The following HCN1 variants were observed in gnomAD, a reference collection of about 807,000 sequenced individuals.
The protein encoded by HCN1 is hyperpolarization activated cyclic nucleotide gated potassium channel 1, also known as potassium/sodium hyperpolarization-activated cyclic nucleotide-gated channel 1.
HCN1 carries 13 observed loss-of-function variants against 78.9 expected under a neutral mutation model. The observed-to-expected ratio is 0.16, with a 90% CI of 0.11 to 0.26. The LOEUF is 0.26. Among genes scored for constraint, HCN1 ranks in the 10% least tolerant of loss-of-function variants. The pLI is 1.00. For synonymous variants in HCN1, 552 were observed against 455.5 expected, an observed-to-expected ratio of 1.21 and a Z score of -2.70; for missense variants, 810 against 1,154.3, an observed-to-expected ratio of 0.70 and a Z score of 4.32.
At chr5:45,470,889 C>T (rs931550777) in intron 2 of HCN1, among the ~76,000 whole-genome samples, 1 of 151,900 alleles carries the variant, frequency 6.6e-6, no homozygotes, top group African/African-American at 2.4e-5. Flanking sequence ...TTCTCTAGAC[C>T]TACTGGAGAG....
chr5:45,565,798 G>T (rs1338100918), intron 2 of HCN1, among the ~76,000 whole-genome samples: 2 of 152,074 alleles, frequency 1.3e-5, no homozygotes, highest in Non-Finnish European at 2.9e-5. Flanking sequence ...ATGAGACCCT[G>T]TCTCAAAACA....
In HCN1 at chr5:45,524,076, C is replaced by T. The variant is rs367628216; in HGVS notation, c.850-62069G>A. Among the ~76,000 whole-genome samples, 4 of 152,112 alleles carry T rather than the reference C, an allele frequency of 2.6e-5. No homozygotes were observed. In the South Asian group the frequency reaches 6.2e-4, roughly 24 times the overall value. On this transcript the variant is annotated intron_variant, in intron 2 of 7. Transcript: ENST00000303230. The stretch of plus-strand genomic sequence containing the variant: ...AGGGATCCAGTTTCAGCTTTCTATA[C>T]ATGGCTAGCCAGTTTTCCCAGCACC...
intron 2 of HCN1, among the ~76,000 whole-genome samples, chr5:45,520,625 T>G (rs1311492150): frequency 1.3e-5 from 2 of 152,072 alleles, no homozygotes; most frequent in Non-Finnish European, 2.9e-5. Context: ...CTATGATGCT[T>G]ATTTTATTAA....
intron 2 of HCN1, among the ~76,000 whole-genome samples, chr5:45,555,072 G>C (rs1182338837): frequency 6.6e-6 from 1 of 151,656 alleles, no homozygotes; most frequent in Non-Finnish European, 1.5e-5. Context: ...AAATAAATAA[G>C]GGGCATCCAG....
At chr5:45,661,115 C>T (rs1480640196) in intron 1 of HCN1, among the ~76,000 whole-genome samples, 3 of 148,732 alleles carry the variant, frequency 2.0e-5, no homozygotes, top group East Asian at 2.0e-4. Flanking sequence ...TCTCAGACCA[C>T]GGTGCAATCA....
At chr5:45,516,181 C>A (rs750913034) in intron 2 of HCN1, among the ~76,000 whole-genome samples, 1 of 151,932 alleles carries the variant, frequency 6.6e-6, no homozygotes, top group Non-Finnish European at 1.5e-5. Context: ...ATGGAGTTGA[C>A]TTATCCTCCA....
intron 1 of HCN1, among the ~76,000 whole-genome samples, chr5:45,692,226 A>G (rs1317700525): frequency 6.6e-6 from 1 of 152,236 alleles, no homozygotes; most frequent in Non-Finnish European, 1.5e-5. Flanking sequence ...TGATTATATC[A>G]TAACTATCAA....
rs867014471 is a variant in HCN1 at position 45,602,780 on chromosome 5, G to A, written c.849+42405C>T. ...TCTCCAAGTGTTTGTTAAAACTCCA[G>A]CGAATACACATGTACACAGTTTTGA... On this transcript the variant is annotated intron_variant, in intron 2 of 7. Transcript: ENST00000303230. Among the ~76,000 whole-genome samples, 13 of 152,158 alleles carry A rather than the reference G, an allele frequency of 8.5e-5. 1 individual carries two copies. The Middle Eastern group carries it at 0.027, about 318-fold the overall frequency.
intron 2 of HCN1, among the ~76,000 whole-genome samples, chr5:45,572,905 T>G (rs142841401): frequency 1.1e-4 from 16 of 152,266 alleles, no homozygotes; most frequent in African/African-American, 3.8e-4. Context: ...AAAAGATGCA[T>G]AAAATGTAGA....
At chr5:45,675,217 A>G (rs1746244055) in intron 1 of HCN1, among the ~76,000 whole-genome samples, 1 of 151,654 alleles carries the variant, frequency 6.6e-6, no homozygotes. Flanking sequence ...CTTGGCCCCC[A>G]ATTCAGATGT....
chr5:45,563,185 C>T (rs1177784315), intron 2 of HCN1, among the ~76,000 whole-genome samples: 1 of 152,036 alleles, frequency 6.6e-6, no homozygotes, highest in Non-Finnish European at 1.5e-5. Context: ...TGCGGTGGCT[C>T]ACGCCTGTAA....
intron 2 of HCN1, among the ~76,000 whole-genome samples, chr5:45,499,384 G>A (rs1742139496): frequency 6.6e-6 from 1 of 152,138 alleles, no homozygotes; most frequent in African/African-American, 2.4e-5. Flanking sequence ...TCTTTGACTA[G>A]GAAAGGGAAC....
In HCN1 at chr5:45,599,231, A is replaced by T. The variant is rs1360794800; in HGVS notation, c.849+45954T>A. Among the ~76,000 whole-genome samples the T allele has an allele frequency of 2.0e-5, 3 of 152,208 alleles. No homozygotes were observed. The East Asian group carries it at 5.8e-4, about 29-fold the overall frequency. On this transcript the variant is annotated intron_variant, in intron 2 of 7. Coordinates refer to ENST00000303230, the MANE Select transcript of HCN1 (RefSeq NM_021072.4). Reference sequence around the variant, plus strand: ...ACACCATGGAATACTATGCAGCCATAAAAAAGGATGAGTTGATGTCCTTTG... The same window carrying T: ...ACACCATGGAATACTATGCAGCCATTAAAAAGGATGAGTTGATGTCCTTTG...
intron 2 of HCN1, among the ~76,000 whole-genome samples, chr5:45,619,966 TA>T (rs1327489612): frequency 1.3e-5 from 2 of 152,220 alleles, no homozygotes; most frequent in East Asian, 3.9e-4. Context: ...AACATCACCT[TA>T]ATCAAGTGAT....
chr5:45,682,293 A>G (rs996962781), intron 1 of HCN1, among the ~76,000 whole-genome samples: 73 of 147,498 alleles, frequency 4.9e-4, no homozygotes, highest in African/African-American at 1.7e-3. Context: ...ATATATACAC[A>G]TATATATATC....
chr5:45,611,659 T>C (rs887512723), intron 2 of HCN1, among the ~76,000 whole-genome samples: 39 of 152,182 alleles, frequency 2.6e-4, no homozygotes, highest in African/African-American at 9.4e-4. Flanking sequence ...AGTCTTATAA[T>C]GCATATATTG....
intron 2 of HCN1, among the ~76,000 whole-genome samples, chr5:45,504,156 T>A (rs1270741007): frequency 6.6e-6 from 1 of 152,096 alleles, no homozygotes; most frequent in Non-Finnish European, 1.5e-5. Context: ...AATGTGCAGG[T>A]TTGTTACATA....
At chr5:45,462,799 T>C (rs759267762) in intron 2 of HCN1, among the ~76,000 whole-genome samples, 15 of 152,028 alleles carry the variant, frequency 9.9e-5, no homozygotes, top group Non-Finnish European at 7.4e-5. Flanking sequence ...ATACCCATCT[T>C]TACATCTGTA....
At chr5:45,694,496 A>C (rs1465113563) in intron 1 of HCN1, among the ~76,000 whole-genome samples, 2 of 152,210 alleles carry the variant, frequency 1.3e-5, no homozygotes, top group Admixed American at 6.5e-5. Context: ...AGTTGGTGAC[A>C]ATTTCCCTTA....
Sources: allele counts gnomAD v4.1 joint callset (sites outside exome capture counted in the v4.1 genomes callset), GRCh38; gene constraint gnomAD v4.1.1; transcripts MANE v1.5; gene names NCBI Gene and HGNC (gene_info 2026-07-23, HGNC 2026-07-21).